Variants in CFAP91 observed in about 807,000 individuals in gnomAD.
CFAP91 encodes the protein cilia and flagella associated protein 91.
A neutral mutation model predicts 95.9 loss-of-function variants in CFAP91; 85 were observed. The observed-to-expected ratio is 0.89, with a 90% CI of 0.74 to 1.06. The LOEUF (loss-of-function observed/expected upper bound fraction) is 1.06. Ranked by LOEUF, CFAP91 falls within the 50% of genes least tolerant of loss-of-function variation. CFAP91 has a pLI of 0.00. For missense variants in CFAP91, 962 were observed against 943.4 expected (o/e 1.02, Z -0.26); for synonymous variants, 335 against 327.5 (o/e 1.02, Z -0.25).
chr3:119,713,055 A>T (rs1195212932), intron 5 of CFAP91: 2 of 151,668 alleles, frequency 1.3e-5, no homozygotes, highest in South Asian at 2.1e-4. Flanking sequence ...CTGGCTTGAA[A>T]TGCTTTTTTA....
At chr3:119,725,215 T>C (rs578010823) in intron 6 of CFAP91, among the ~76,000 whole-genome samples, 4 of 152,316 alleles carry the variant, frequency 2.6e-5, no homozygotes, top group Admixed American at 1.3e-4. Flanking sequence ...GGCACCTAAG[T>C]GTGCTGGCAT....
intron 2 of CFAP91, chr3:119,707,161 T>C (rs2053380755): frequency 3.7e-6 from 2 of 547,940 alleles, no homozygotes; most frequent in South Asian, 5.4e-5. Flanking sequence ...TCAAGTAGTA[T>C]AAAAGCATAT....
chr3:119,704,558 GAAT>G (rs1200576286), intron 1 of CFAP91, among the ~76,000 whole-genome samples: 19 of 152,072 alleles, frequency 1.2e-4, no homozygotes, highest in African/African-American at 4.6e-4. Context: ...TTCAGATAAT[GAAT>G]AATATTTTAG....
chr3:119,736,749 C>G (rs1381071019), intron 10 of CFAP91, among the ~76,000 whole-genome samples: 1 of 152,052 alleles, frequency 6.6e-6, no homozygotes, highest in African/African-American at 2.4e-5. Context: ...GTGTAACATT[C>G]CATTGTGTGG....
At chr3:119,744,957 T>G (rs897396288) in intron 14 of CFAP91, among the ~76,000 whole-genome samples, 2 of 151,952 alleles carry the variant, frequency 1.3e-5, no homozygotes, top group South Asian at 4.2e-4. Context: ...GGGATGAGAA[T>G]AAGAAGAAAT....
Position 119,715,673 on chromosome 3 carries a change from A to G in CFAP91, c.612A>G (p.Pro204=), listed in dbSNP as rs199907538. ...DYRDADVQTD[P]YSAEYVVCQD... ...GGGATGCTGACGTTCAAACAGATCC[A>G]TACTCTGCAGAATATGTAGTATGTC... Residue 204 remains proline, a synonymous_variant, in exon 6 of 18, where the codon CCA becomes CCG. Transcript: ENST00000273390. 7.4e-6 allele frequency: 12 copies of G among 1,613,878 alleles called. No homozygotes were observed. The Middle Eastern group carries it at 1.8e-3, about 243-fold the overall frequency.
chr3:119,738,055 A>G (rs533701197), intron 11 of CFAP91, among the ~76,000 whole-genome samples: 9 of 152,236 alleles, frequency 5.9e-5, no homozygotes, highest in Non-Finnish European at 1.0e-4. Context: ...AGAGAGAACT[A>G]TAACTGCCTA....
At chr3:119,720,214 C>G (rs2053655371) in intron 6 of CFAP91, among the ~76,000 whole-genome samples, 1 of 149,498 alleles carries the variant, frequency 6.7e-6, no homozygotes, top group East Asian at 2.0e-4. Context: ...TGGTGAAACC[C>G]TGTCTCTACT....
intron 9 of CFAP91, 41 bp from the exon 10 acceptor site, chr3:119,733,323 G>A (rs201177512): frequency 7.2e-5 from 115 of 1,598,770 alleles, no homozygotes; most frequent in Non-Finnish European, 8.9e-5. Flanking sequence ...AATAATAAAC[G>A]TAAGCACTGG....
At chr3:119,761,500 G>A (rs1417983874) in intron 17 of CFAP91, among the ~76,000 whole-genome samples, 2 of 151,878 alleles carry the variant, frequency 1.3e-5, no homozygotes, top group East Asian at 1.9e-4. Context: ...TACAAGGTTA[G>A]CATTACTCTT....
chr3:119,736,268 G>GTTTTTTTTTTT (rs770777389), intron 10 of CFAP91, among the ~76,000 whole-genome samples: 2 of 85,326 alleles, frequency 2.3e-5, no homozygotes, highest in African/African-American at 9.7e-5. Flanking sequence ...TCTTTCTATT[G>GTTTTTTTTTTT]TTTTTTTTTT....
At chr3:119,719,236 CAGTCA>C (rs1242684988) in intron 6 of CFAP91, among the ~76,000 whole-genome samples, 1 of 152,070 alleles carries the variant, frequency 6.6e-6, no homozygotes, top group Non-Finnish European at 1.5e-5. Context: ...AATGTAAAAC[CAGTCA>C]AAACTAAATT....
chr3:119,739,381 G>A (rs976800595), intron 12 of CFAP91, 55 bp downstream of exon 12: 33 of 1,470,340 alleles, frequency 2.2e-5, no homozygotes, highest in African/African-American at 4.2e-5. Flanking sequence ...AAATTTTTTA[G>A]AATGCATATG....
chr3:119,730,650 G>GTGTGTGTGTGTGTGT, intron 8 of CFAP91, among the ~76,000 whole-genome samples: 1 of 141,580 alleles, frequency 7.1e-6, no homozygotes, highest in East Asian at 2.1e-4. Context: ...GTGTGTGTGT[G>GTGTGTGTGTGTGTGT]GTGGGATAAG....
At chr3:119,755,370 A>G (rs2054406387) in intron 17 of CFAP91, among the ~76,000 whole-genome samples, 1 of 152,208 alleles carries the variant, frequency 6.6e-6, no homozygotes, top group Non-Finnish European at 1.5e-5. Context: ...ACAGGACCTT[A>G]GGGAGAGAAT....
intron 5 of CFAP91, among the ~76,000 whole-genome samples, chr3:119,714,339 C>T (rs1294733590): frequency 6.9e-6 from 1 of 144,520 alleles, no homozygotes; most frequent in Non-Finnish European, 1.5e-5. Flanking sequence ...GCACTCTAAC[C>T]TGGGCGACAG....
At position 119,747,215 on chromosome 3, in the gene CFAP91, A is replaced by G. The variant is rs754207466; in HGVS notation, c.2003A>G (p.Glu668Gly). ...TAEEQARAEI[E>G]KMAEKINDIA... ...GAAGAACAAGCCAGGGCAGAAATAG[A>G]GAAGATGGCTGAGAAAATCAATGAC... The change falls in exon 15 of 18, where the codon GAG (glutamate) becomes GGG (glycine). Residue 668 changes from glutamate (E) to glycine (G), a missense_variant. Transcript: ENST00000273390. The G allele has an allele frequency of 1.2e-6, 2 of 1,613,918 alleles. No homozygotes were observed. Among genetic ancestry groups the G allele is most frequent in the Non-Finnish European group, 1.7e-6 (2 of 1,179,850 alleles).
At chr3:119,711,501 C>T (rs2053473059) in intron 5 of CFAP91, among the ~76,000 whole-genome samples, 1 of 152,188 alleles carries the variant, frequency 6.6e-6, no homozygotes, top group Admixed American at 6.5e-5. Context: ...GTGATGAACA[C>T]CATGACCTCC....
intron 16 of CFAP91, 26 bp from the exon 17 acceptor site, chr3:119,750,911 A>C (rs1223639830): frequency 6.2e-7 from 1 of 1,613,430 alleles, no homozygotes; most frequent in Non-Finnish European, 8.5e-7. Flanking sequence ...TTTCAGAATG[A>C]AAATTTTTCT....
Sources: allele counts gnomAD v4.1 joint callset (sites outside exome capture counted in the v4.1 genomes callset), GRCh38; gene constraint gnomAD v4.1.1; transcripts MANE v1.5; gene names NCBI Gene and HGNC (gene_info 2026-07-23, HGNC 2026-07-21).